LPP: variants seen among roughly 807,000 people sequenced by gnomAD.
LPP encodes the protein LIM domain containing preferred translocation partner in lipoma, also known as lipoma-preferred partner.
In LPP, 38 loss-of-function variants were observed where a neutral mutation model predicts 60.4. That is an observed-to-expected ratio of 0.63 (90% CI 0.49 to 0.83). LPP has a LOEUF of 0.83. Among genes scored for constraint, LPP ranks in the 40% least tolerant of loss-of-function variants. The pLI is 0.00. For synonymous variants in LPP, 328 were observed against 290.8 expected (o/e 1.13, Z -1.30); for missense variants, 902 against 783.6 (o/e 1.15, Z -1.80).
intron 8 of LPP, among the ~76,000 whole-genome samples, chr3:188,756,939 GTGTCATGCCATCA>G (rs1730466696): frequency 6.6e-6 from 1 of 152,166 alleles, no homozygotes; most frequent in East Asian, 1.9e-4. Flanking sequence ...AGGCAATTCC[GTGTCATGCCATCA>G]TGGAGCCACT....
chr3:188,707,318 A>T (rs1489539634), intron 7 of LPP, among the ~76,000 whole-genome samples: 1 of 152,192 alleles, frequency 6.6e-6, no homozygotes, highest in African/African-American at 2.4e-5. Context: ...CAAAGGCCCC[A>T]GTGGCCCTGC....
chr3:188,286,712 T>C (rs1044048781), intron 2 of LPP, among the ~76,000 whole-genome samples: 2 of 152,144 alleles, frequency 1.3e-5, no homozygotes, highest in African/African-American at 4.8e-5. Context: ...GGCTGGTAAA[T>C]GAGCCATTCT....
chr3:188,329,775 C>T (rs143718251), intron 2 of LPP, among the ~76,000 whole-genome samples: 16 of 152,162 alleles, frequency 1.1e-4, no homozygotes, highest in South Asian at 8.3e-4. Context: ...ACAGGGGAAG[C>T]GAAGTTAAAG....
chr3:188,293,037 C>A (rs931888811), intron 2 of LPP, among the ~76,000 whole-genome samples: 9 of 152,322 alleles, frequency 5.9e-5, no homozygotes, highest in African/African-American at 2.2e-4. Context: ...ACAAGTGAGA[C>A]ATAACAAATG....
At chr3:188,284,236 A>C (rs547929854) in intron 2 of LPP, among the ~76,000 whole-genome samples, 2 of 152,002 alleles carry the variant, frequency 1.3e-5, no homozygotes, top group Admixed American at 1.3e-4. Flanking sequence ...GGTGTGAGCC[A>C]CTGTGTCTGG....
intron 2 of LPP, among the ~76,000 whole-genome samples, chr3:188,247,800 GAAA>G (rs796405602): frequency 7.6e-5 from 6 of 78,668 alleles, no homozygotes; most frequent in Non-Finnish European, 8.6e-5. Flanking sequence ...CTCCATCTCA[GAAA>G]AAAAAAAAAA....
At chr3:188,736,920 A>C (rs1015160718) in intron 8 of LPP, among the ~76,000 whole-genome samples, 28 of 152,128 alleles carry the variant, frequency 1.8e-4, no homozygotes, top group African/African-American at 6.5e-4. Flanking sequence ...GATATTGCCA[A>C]AACACTATAT....
chr3:188,509,128 A>T (rs1343320970), intron 5 of LPP, among the ~76,000 whole-genome samples: 7 of 152,192 alleles, frequency 4.6e-5, no homozygotes, highest in African/African-American at 1.4e-4. Context: ...ATCTAGCTTC[A>T]CCTGAGACCA....
intron 3 of LPP, among the ~76,000 whole-genome samples, chr3:188,405,594 G>C (rs1045400837): frequency 6.6e-6 from 1 of 151,930 alleles, no homozygotes; most frequent in Admixed American, 6.6e-5. Context: ...ACCAAGAAGT[G>C]AGCCTATCTT....
chr3:188,315,465 C>A lies in LPP; in HGVS notation c.-66-26198C>A, dbSNP rs1464468559. 2.6e-5 allele frequency among the ~76,000 whole-genome samples: 4 copies of A among 151,936 alleles called. No homozygotes were observed. The East Asian group carries it at 7.7e-4, about 29-fold the overall frequency. On this transcript the variant is annotated intron_variant, in intron 2 of 11. Transcript: ENST00000617246. Reference sequence around the variant, plus strand: ...TTTTTCTCATTGTTTGAACTTGGCTCTTAATTTCCATATTTTTATTTCTGC... The same window carrying A: ...TTTTTCTCATTGTTTGAACTTGGCTATTAATTTCCATATTTTTATTTCTGC...
At chr3:188,767,805 C>T (rs927654594) in intron 9 of LPP, among the ~76,000 whole-genome samples, 3 of 152,192 alleles carry the variant, frequency 2.0e-5, no homozygotes, top group African/African-American at 7.2e-5. Flanking sequence ...TAATACTAGT[C>T]TCATTAATTG....
chr3:188,607,116 GACACACACAC>G (rs34057522), intron 6 of LPP, among the ~76,000 whole-genome samples: 7,856 of 129,528 alleles, frequency 0.061, 268 homozygotes, highest in Non-Finnish European at 0.072. Context: ...TCTTGGTGAA[GACACACACAC>G]ACACACACAC....
At chr3:188,499,302 A>T (rs548217586) in intron 5 of LPP, among the ~76,000 whole-genome samples, 1 of 152,156 alleles carries the variant, frequency 6.6e-6, no homozygotes, top group Non-Finnish European at 1.5e-5. Context: ...GTTAACTTTT[A>T]TAATTATGCT....
At chr3:188,291,642 T>G (rs1297347173) in intron 2 of LPP, among the ~76,000 whole-genome samples, 1 of 82,050 alleles carries the variant, frequency 1.2e-5, no homozygotes, top group Non-Finnish European at 2.7e-5. Context: ...CGAGACTCTG[T>G]CTCAAAAAAA....
chr3:188,294,183 C>CG (rs994615042), intron 2 of LPP, among the ~76,000 whole-genome samples: 9 of 151,596 alleles, frequency 5.9e-5, no homozygotes, highest in Non-Finnish European at 1.3e-4. Flanking sequence ...TAGTGGTTGC[C>CG]GGCAGGGTTG....
In LPP at chr3:188,886,532, A is replaced by T. The variant is rs1418268866; in HGVS notation, c.*12053A>T. The T allele has an allele frequency of 1.0e-5, 2 of 196,848 alleles. No homozygotes were observed. The highest frequency in any genetic ancestry group is 4.8e-5 in the African/African-American group (2 of 41,714). 12.2% of individuals were successfully genotyped at this position (196,848 alleles called of 1,614,324 possible). A position where few individuals can be genotyped will look rare whatever the true frequency, so the allele number is the denominator to read the frequency against. ...CTGTGTTGTCTCATCAGAGGGAATA[A>T]AAAGACAATGAGGTGGTAAATGTGA... On this transcript the variant is annotated 3_prime_UTR_variant, in exon 12 of 12. Transcript: ENST00000617246.
intron 2 of LPP, among the ~76,000 whole-genome samples, chr3:188,268,440 T>C (rs1391613258): frequency 6.6e-6 from 1 of 152,214 alleles, no homozygotes; most frequent in Non-Finnish European, 1.5e-5. Flanking sequence ...TTGAAGAACA[T>C]TTGTGGACAG....
chr3:188,253,008 A>G (rs1255035133), intron 2 of LPP, among the ~76,000 whole-genome samples: 3 of 150,836 alleles, frequency 2.0e-5, no homozygotes, highest in Non-Finnish European at 4.4e-5. Flanking sequence ...CCTAACCTCA[A>G]GTGATCTGCC....
intron 3 of LPP, among the ~76,000 whole-genome samples, chr3:188,377,599 C>A (rs1355784071): frequency 6.6e-6 from 1 of 152,140 alleles, no homozygotes; most frequent in African/African-American, 2.4e-5. Context: ...TTCTAGTTAT[C>A]CATTCGTCTA....
Sources: gnomAD v4.1 joint callset for allele counts (sites outside exome capture counted in the v4.1 genomes callset) on GRCh38, gnomAD v4.1.1 for gene constraint, MANE v1.5 for transcripts, NCBI Gene and HGNC (gene_info 2026-07-23, HGNC 2026-07-21) for gene names.